Variants in DMWD observed in about 807,000 individuals in gnomAD.
The protein encoded by DMWD is dystrophia myotonica WD repeat-containing protein.
In DMWD, 19 loss-of-function variants were observed where a neutral mutation model predicts 45.8. That is an observed-to-expected ratio of 0.41 (90% CI 0.29 to 0.61). The LOEUF is 0.61. Among genes scored for constraint, DMWD ranks in the 20% least tolerant of loss-of-function variants. DMWD has a pLI of 0.25. For synonymous variants in DMWD, 515 were observed against 440.5 expected, an observed-to-expected ratio of 1.17 and a Z score of -2.12; for missense variants, 802 against 965.2, an observed-to-expected ratio of 0.83 and a Z score of 2.24.
chr19:45,784,539 T>TGGGGTA (rs779060005), intron 4 of DMWD, 102 bp downstream of exon 4: 26 of 1,060,696 alleles, frequency 2.5e-5, no homozygotes, highest in African/African-American at 3.6e-5. Context: ...AGTGAGACCA[T>TGGGGTA]GGGGTAAGGG....
At position 45,786,671 on chromosome 19, in the gene DMWD, G is replaced by A. The variant is rs367711860; in HGVS notation, c.825C>T (p.Asn275=). The change falls in exon 3 of 5, where the codon AAC becomes AAT. Residue 275 remains asparagine, a synonymous_variant. Coordinates refer to ENST00000270223, the MANE Select transcript of DMWD (RefSeq NM_004943.2). ...CACCCACCGCCCACTTGGCCAGCGGGTTGCGGGGTGCCTTGCTCTTGGCAG... is the reference window on the plus strand; with the variant it reads ...CACCCACCGCCCACTTGGCCAGCGGATTGCGGGGTGCCTTGCTCTTGGCAG... ...VYAAKSKAPR[N]PLAKWAVGEG... The A allele has an allele frequency of 1.9e-5, 30 of 1,610,830 alleles. No homozygotes were observed. Among genetic ancestry groups the A allele is most frequent in the Non-Finnish European group, 2.5e-5 (30 of 1,177,542 alleles).
At chr19:45,790,725 C>T (rs1970345944) in intron 2 of DMWD, 180 bp downstream of exon 2, 1 of 584,394 alleles carries the variant, frequency 1.7e-6, no homozygotes, top group Non-Finnish European at 2.9e-6. Context: ...AAGGGTAACA[C>T]AGCACAGGGC....
At position 45,786,763 on chromosome 19, in the gene DMWD, G is replaced by T. The variant is rs747541057; in HGVS notation, c.733C>A (p.His245Asn). ...TGGGGCGGGGCCGAGGCGCAGGGGTGGCTGACGTTGTACAGGTACAGGTGG... is the reference window on the plus strand; with the variant it reads ...TGGGGCGGGGCCGAGGCGCAGGGGTTGCTGACGTTGTACAGGTACAGGTGG... Reference protein sequence around the residue: ...SGHLYLYNVSHPCASAPPQYS... With the variant: ...SGHLYLYNVSNPCASAPPQYS... The change falls in exon 3 of 5, where the codon CAC (histidine) becomes AAC (asparagine). Residue 245 changes from histidine to asparagine, a missense_variant. Around this residue, in one of 9 missense-constraint regions of DMWD, gnomAD observed 146 missense variants for 212.8 expected, o/e 0.69. Coordinates refer to ENST00000270223, the MANE Select transcript of DMWD (RefSeq NM_004943.2). The T allele has an allele frequency of 6.2e-6, 10 of 1,614,064 alleles. No individual in the cohort carries two copies. Among genetic ancestry groups the T allele is most frequent in the Non-Finnish European group, 8.5e-6 (10 of 1,180,046 alleles).
Position 45,784,216 on chromosome 19 carries a change from G to A in DMWD, c.*27C>T, listed in dbSNP as rs1377478577. On this transcript the variant is annotated 3_prime_UTR_variant, in exon 5 of 5. Coordinates refer to ENST00000270223, the MANE Select transcript of DMWD (RefSeq NM_004943.2). ...TATGGCTAGGAGGCTGGGGGCATGG[G>A]GTTGGGGGGGCCCGATATCCATGGC... The A allele has an allele frequency of 6.4e-7, 1 of 1,568,430 alleles. No homozygotes were observed. The highest frequency in any genetic ancestry group is 8.6e-7 in the Non-Finnish European group (1 of 1,158,300).
intron 3 of DMWD, chr19:45,785,337 C>T (rs540238795): frequency 1.8e-5 from 22 of 1,219,286 alleles, no homozygotes; most frequent in South Asian, 3.9e-5. Flanking sequence ...GCCCTTCAGA[C>T]GGCCAGCCTT....
At chr19:45,790,773 A>AC in intron 2 of DMWD, 132 bp downstream of exon 2, 1 of 1,012,056 alleles carries the variant, frequency 9.9e-7, no homozygotes. Flanking sequence ...AGCTGCTGTC[A>AC]CCCCATTCTC....
In DMWD at chr19:45,786,457, C is replaced by G; in HGVS notation, c.1039G>C (p.Asp347His). 6.2e-7 allele frequency: 1 copy of G among 1,613,074 alleles called. No individual in the cohort carries two copies. Among genetic ancestry groups the G allele is most frequent in the East Asian group, 2.2e-5 (1 of 44,828 alleles). The change falls in exon 3 of 5, where the codon GAT becomes CAT. Residue 347 changes from aspartate (D) to histidine (H), a missense_variant. By Grantham distance (81) the Asp-to-His change is moderately conservative. Around this residue, in one of 9 missense-constraint regions of DMWD, gnomAD observed 146 missense variants for 212.8 expected, o/e 0.69. Coordinates refer to ENST00000270223, the MANE Select transcript of DMWD (RefSeq NM_004943.2). ...DGRYVVTGGE[D>H]DLVTVWSFTE... ...AAGGACCACACGGTGACCAGGTCAT[C>G]TTCGCCACCCGTCACCACGTAGCGG...
Position 45,785,493 on chromosome 19 carries a change from C to A in DMWD, c.1902+101G>T, listed in dbSNP as rs993992192. 4 of 1,411,920 alleles carry A rather than the reference C, an allele frequency of 2.8e-6. No individual in the cohort carries two copies. In the African/African-American group the frequency reaches 4.4e-5, roughly 16 times the overall value. 87.5% of individuals were successfully genotyped at this position (1,411,920 alleles called of 1,614,324 possible). A position where few individuals can be genotyped will look rare whatever the true frequency, so the allele number is the denominator to read the frequency against. ...CTGGCTTCCCCTCACCCCACGGAGC[C>A]AGAGGCTGTGACAGCAACAAAGCCC... On this transcript the variant is annotated intron_variant, in intron 3 of 4. Coordinates refer to ENST00000270223, the MANE Select transcript of DMWD (RefSeq NM_004943.2).
chr19:45,788,082 A>T (rs1471864906), intron 2 of DMWD, among the ~76,000 whole-genome samples: 2 of 148,228 alleles, frequency 1.3e-5, no homozygotes, highest in Non-Finnish European at 3.0e-5. Context: ...ACCTCAAAAT[A>T]AAAAAAAAAG....
chr19:45,791,757 A>G (rs1290812100), intron 1 of DMWD, among the ~76,000 whole-genome samples: 1 of 151,846 alleles, frequency 6.6e-6, no homozygotes, highest in African/African-American at 2.4e-5. Context: ...GAGAGCTCCC[A>G]TCAGCTTCCG....
At chr19:45,790,876 A>G in intron 2 of DMWD, 29 bp downstream of exon 2, 1 of 1,582,138 alleles carries the variant, frequency 6.3e-7, no homozygotes, top group African/African-American at 1.4e-5. Flanking sequence ...GAAGGCAGAG[A>G]AGTTGGGGGC....
rs994623019 is a variant in DMWD, at chr19:45,792,809, C to A, written c.-53G>T. The A allele has an allele frequency of 9.2e-6, 10 of 1,083,422 alleles. 1 individual carries two copies. The South Asian group carries it at 3.9e-4, about 42-fold the overall frequency. 67.1% of individuals were successfully genotyped at this position (1,083,422 alleles called of 1,614,324 possible). On this transcript the variant is annotated 5_prime_UTR_variant, in exon 1 of 5. Transcript: ENST00000270223. The stretch of plus-strand genomic sequence containing the variant: ...GCCGGACTGCCGCCCGCAGCCGGGC[C>A]CCCTCCCGGAAGCCGCTGGCCCGCG...
At chr19:45,791,427 C>T (rs891321075) in intron 1 of DMWD, among the ~76,000 whole-genome samples, 1 of 152,098 alleles carries the variant, frequency 6.6e-6, no homozygotes, top group Non-Finnish European at 1.5e-5. Flanking sequence ...CCACTCCATC[C>T]TATAACCTCA....
chr19:45,788,099 T>C (rs950047002), intron 2 of DMWD, among the ~76,000 whole-genome samples: 3 of 151,116 alleles, frequency 2.0e-5, no homozygotes, highest in African/African-American at 7.3e-5. Flanking sequence ...AAAGAAAAAA[T>C]ACACCCAGAA....
intron 2 of DMWD, chr19:45,790,697 G>C (rs574891129): frequency 2.2e-6 from 1 of 448,772 alleles, no homozygotes; most frequent in Non-Finnish European, 3.9e-6. Flanking sequence ...AAAACCCAAG[G>C]AGTAAAGTAT....
At chr19:45,788,758 G>A (rs552821878) in intron 2 of DMWD, among the ~76,000 whole-genome samples, 3 of 141,468 alleles carry the variant, frequency 2.1e-5, no homozygotes, top group South Asian at 4.6e-4. Flanking sequence ...AAGAGACCCC[G>A]CCTCTACAAA....
rs764039084 is a variant in DMWD, at chr19:45,786,863, G to A, written c.633C>T (p.Ile211=). 30 of 1,613,342 alleles carry A rather than the reference G, an allele frequency of 1.9e-5. No homozygotes were observed. The South Asian group carries it at 2.0e-4, about 11-fold the overall frequency. ...TSKLFNEERL[I]DKTKVTYLKW... is the part of the protein sequence containing the mutation. Reference sequence around the variant, plus strand: ...TCAGATATGTCACCTTGGTCTTGTCGATCAACCGCTGCCAGGGGAGACAGT... The same window carrying A: ...TCAGATATGTCACCTTGGTCTTGTCAATCAACCGCTGCCAGGGGAGACAGT... Residue 211 remains isoleucine (I), a synonymous_variant, in exon 3 of 5, where the codon ATC becomes ATT. Coordinates refer to ENST00000270223, the MANE Select transcript of DMWD (RefSeq NM_004943.2).
chr19:45,785,781 C>A lies in DMWD; in HGVS notation c.1715G>T (p.Arg572Leu), dbSNP rs765984271. ...GCCCAGCACCTTGGCGGGGTCCAGG[C>A]GGCTGCGGGGAACAGGGCCGCTGGG... ...EKPSGPVPRS[R>L]LDPAKVLGTA... The change falls in exon 3 of 5, where the codon CGC becomes CTC. Residue 572 changes from arginine to leucine, a missense_variant. Coordinates refer to ENST00000270223, the MANE Select transcript of DMWD (RefSeq NM_004943.2). 1 of 1,611,308 alleles carries A rather than the reference C, an allele frequency of 6.2e-7. No homozygotes were observed. Among genetic ancestry groups the A allele is most frequent in the African/African-American group, 1.3e-5 (1 of 74,898 alleles).
chr19:45,791,665 C>T (rs989912461), intron 1 of DMWD, among the ~76,000 whole-genome samples: 5 of 152,130 alleles, frequency 3.3e-5, no homozygotes, highest in African/African-American at 1.2e-4. Context: ...TCACCATAAA[C>T]GGCCAGGGTT....
Sources: allele counts gnomAD v4.1 joint callset (sites outside exome capture counted in the v4.1 genomes callset), GRCh38; gene constraint gnomAD v4.1.1; regional missense constraint gnomAD v4.1.1; transcripts MANE v1.5; gene names NCBI Gene and HGNC (gene_info 2026-07-23, HGNC 2026-07-21).